ABCA13: variants seen among roughly 807,000 people sequenced by gnomAD.
ABCA13 encodes ATP-binding cassette sub-family A member 13.
Under a neutral mutation model 478.7 loss-of-function variants are expected in ABCA13, and 476 were observed. The ratio of observed to expected loss-of-function variants is 0.99; its 90% CI spans 0.92 to 1.07. The LOEUF is 1.07. Among genes scored for constraint, ABCA13 ranks in the 50% least tolerant of loss-of-function variants. The pLI is 0.00. For synonymous variants in ABCA13, 2,252 were observed against 2,158.9 expected (o/e 1.04, Z -1.20); for missense variants, 6,060 against 5,910.6 (o/e 1.03, Z -0.83).
intron 20 of ABCA13, among the ~76,000 whole-genome samples, chr7:48,294,548 G>C (rs900215608): frequency 6.7e-6 from 1 of 150,218 alleles, no homozygotes; most frequent in Non-Finnish European, 1.5e-5. Flanking sequence ...CCGGGTTCAC[G>C]CCATTCTCCT....
intron 55 of ABCA13, among the ~76,000 whole-genome samples, chr7:48,546,410 C>A (rs1219015941): frequency 1.3e-5 from 2 of 151,642 alleles, no homozygotes; most frequent in African/African-American, 4.8e-5. Context: ...CATAATGAAT[C>A]AAAATGCATT....
chr7:48,473,479 A>G (rs1161154174), intron 45 of ABCA13, among the ~76,000 whole-genome samples: 1 of 152,182 alleles, frequency 6.6e-6, no homozygotes, highest in Non-Finnish European at 1.5e-5. Context: ...TCTTTGTTAG[A>G]AAATAAATGC....
In ABCA13 at chr7:48,647,322, T is replaced by A. The variant is rs1454472347; in HGVS notation, c.*1810T>A. Reference sequence around the variant, plus strand: ...CATGTATCACATGAATTACACTTCCTTAAATAAATTACAGTTTATGGCTGT... The same window carrying A: ...CATGTATCACATGAATTACACTTCCATAAATAAATTACAGTTTATGGCTGT... On this transcript the variant is annotated 3_prime_UTR_variant, in exon 62 of 62. Coordinates refer to ENST00000435803, the MANE Select transcript of ABCA13 (RefSeq NM_152701.5). 6.6e-6 allele frequency: 1 copy of A among 152,242 alleles called. No homozygotes were observed. The highest frequency in any genetic ancestry group is 2.4e-5 in the African/African-American group (1 of 41,470). The allele number at this position is 152,242 out of a possible 1,614,324, so 9.4% of individuals were successfully genotyped here. A position where few individuals can be genotyped will look rare whatever the true frequency, so the allele number is the denominator to read the frequency against.
Position 48,524,412 on chromosome 7 carries a change from A to G in ABCA13, c.14216A>G (p.Asp4739Gly), listed in dbSNP as rs768174339. The G allele has an allele frequency of 6.2e-6, 10 of 1,611,380 alleles. No homozygotes were observed. The East Asian group carries it at 8.9e-5, about 14-fold the overall frequency. Residue 4739 changes from aspartate (D) to glycine (G), a missense_variant, in exon 54 of 62, where the codon GAT (aspartate) becomes GGT (glycine). Physicochemically the swap from Asp to Gly is moderately conservative, Grantham distance 94. This residue lies in a region of ABCA13 where 1,627 missense variants were observed against 1,571.0 expected (regional missense o/e 1.04). Coordinates refer to ENST00000435803, the MANE Select transcript of ABCA13 (RefSeq NM_152701.5). ...RFFQNIIAVQ[D>G]ISLGIPKGEC... The stretch of plus-strand genomic sequence containing the variant: ...TTCCAGAATATTATTGCTGTGCAAG[A>G]TATTAGTTTGGGCATACCAAAAGGA...
At chr7:48,534,332 T>C (rs1437982950) in intron 55 of ABCA13, among the ~76,000 whole-genome samples, 2 of 152,330 alleles carry the variant, frequency 1.3e-5, no homozygotes, top group South Asian at 4.1e-4. Flanking sequence ...GGATTTCTTC[T>C]GAGAAATCTG....
intron 56 of ABCA13, among the ~76,000 whole-genome samples, 184 bp from the exon 57 acceptor site, chr7:48,586,970 C>T (rs2131393726): frequency 6.6e-6 from 1 of 152,264 alleles, no homozygotes; most frequent in East Asian, 1.9e-4. Context: ...AGAAAACTCC[C>T]ACCTGTTCAC....
At chr7:48,238,966 A>G (rs540537579) in intron 8 of ABCA13, among the ~76,000 whole-genome samples, 131 of 152,362 alleles carry the variant, frequency 8.6e-4, no homozygotes, top group African/African-American at 3.1e-3. Flanking sequence ...TTTTGGCCTA[A>G]GAATGAAAAG....
rs1797022080 is a variant in ABCA13, at chr7:48,281,457, G to C, written c.8836+5G>C. ...GTGTGCTCACCATCGTTGCAGGTGGGCTGCTCATATAACAAGTGCTCTGCA... is the reference window on the plus strand; with the variant it reads ...GTGTGCTCACCATCGTTGCAGGTGGCCTGCTCATATAACAAGTGCTCTGCA... On this transcript the variant is annotated splice_donor_5th_base_variant and intron_variant, in intron 19 of 61. Transcript: ENST00000435803. The C allele has an allele frequency of 6.3e-7, 1 of 1,584,876 alleles. No homozygotes were observed.
At chr7:48,453,271 C>T (rs1825269861) in intron 42 of ABCA13, among the ~76,000 whole-genome samples, 1 of 151,478 alleles carries the variant, frequency 6.6e-6, no homozygotes, top group South Asian at 2.1e-4. Flanking sequence ...GCCTGGCAAC[C>T]AGCATTTAAA....
At chr7:48,212,622 A>G (rs1785841751) in intron 3 of ABCA13, among the ~76,000 whole-genome samples, 1 of 152,174 alleles carries the variant, frequency 6.6e-6, no homozygotes, top group Admixed American at 6.6e-5. Context: ...CTTTAATTTT[A>G]GCCATTATAC....
chr7:48,598,412 GAACATATTTTCAACTCCTT>G (rs1332358363), intron 58 of ABCA13, among the ~76,000 whole-genome samples: 1 of 152,148 alleles, frequency 6.6e-6, no homozygotes, highest in Non-Finnish European at 1.5e-5. Context: ...TTTTTTGTGT[GAACATATTTTCAACTCCTT>G]TGGGTAAATA....
At chr7:48,346,803 C>A (rs1808178909) in intron 29 of ABCA13, among the ~76,000 whole-genome samples, 1 of 152,080 alleles carries the variant, frequency 6.6e-6, no homozygotes, top group African/African-American at 2.4e-5. Flanking sequence ...TAATGTGAAA[C>A]AAGATAAATA....
At position 48,512,141 on chromosome 7, in the gene ABCA13, A is replaced by AAG. The variant is rs1355408623; in HGVS notation, c.13640+954_13640+955dup. 3.8e-4 allele frequency among the ~76,000 whole-genome samples: 57 copies of AAG among 151,600 alleles called. 1 individual carries two copies. The highest frequency in any genetic ancestry group is 1.2e-3 in the African/African-American group (51 of 41,174). On this transcript the variant is annotated intron_variant, in intron 51 of 61. Transcript: ENST00000435803. ...TAAGAGAGAGAGGGAGAGAGAGATTAAGAGAGAGAGAGAAACAAGACAGAC... is the reference window on the plus strand; with the variant it reads ...TAAGAGAGAGAGGGAGAGAGAGATTAAGAGAGAGAGAGAGAAACAAGACAGAC...
At chr7:48,444,167 T>C (rs1321519611) in intron 42 of ABCA13, among the ~76,000 whole-genome samples, 1 of 152,198 alleles carries the variant, frequency 6.6e-6, no homozygotes, top group Non-Finnish European at 1.5e-5. Context: ...CACTATGGAT[T>C]ATACATGCTC....
At chr7:48,251,913 G>A (rs755856623) in intron 15 of ABCA13, among the ~76,000 whole-genome samples, 1 of 152,042 alleles carries the variant, frequency 6.6e-6, no homozygotes, top group Non-Finnish European at 1.5e-5. Flanking sequence ...AAGCTCCATT[G>A]TATGTTATGA....
chr7:48,195,424 A>G (rs2128905053), intron 2 of ABCA13, among the ~76,000 whole-genome samples: 1 of 152,332 alleles, frequency 6.6e-6, no homozygotes, highest in East Asian at 1.9e-4. Flanking sequence ...TGTGCCCTGA[A>G]GCAGTGGGAA....
At chr7:48,247,385 A>G (rs968213014) in intron 13 of ABCA13, among the ~76,000 whole-genome samples, 2 of 152,130 alleles carry the variant, frequency 1.3e-5, no homozygotes, top group African/African-American at 4.8e-5. Context: ...TTTTATCTGT[A>G]AAGTCTAACT....
intron 9 of ABCA13, among the ~76,000 whole-genome samples, chr7:48,240,194 G>A (rs533801722): frequency 2.4e-4 from 37 of 152,296 alleles, no homozygotes; most frequent in Middle Eastern, 6.8e-3. Context: ...AGGTGTTGTC[G>A]TCTGCTTCGT....
At chr7:48,202,819 C>A (rs1798976563) in intron 3 of ABCA13, among the ~76,000 whole-genome samples, 1 of 152,256 alleles carries the variant, frequency 6.6e-6, no homozygotes, top group Non-Finnish European at 1.5e-5. Context: ...CTCCAAGGCC[C>A]CACCAGACTC....
Sources: allele counts gnomAD v4.1 joint callset (sites outside exome capture counted in the v4.1 genomes callset), GRCh38; gene constraint gnomAD v4.1.1; regional missense constraint gnomAD v4.1.1; transcripts MANE v1.5; gene names NCBI Gene and HGNC (gene_info 2026-07-23, HGNC 2026-07-21).